PTPRN2: variants seen among roughly 807,000 people sequenced by gnomAD.
The protein encoded by PTPRN2 is protein tyrosine phosphatase receptor type N2, also known as receptor-type tyrosine-protein phosphatase N2.
Under a neutral mutation model 118.8 loss-of-function variants are expected in PTPRN2, and 74 were observed. The ratio of observed to expected loss-of-function variants is 0.62; its 90% CI spans 0.52 to 0.76. PTPRN2 has a LOEUF of 0.76. Ranked by LOEUF, PTPRN2 falls within the 30% of genes least tolerant of loss-of-function variation. The pLI is 0.00. For missense variants in PTPRN2, 1,481 were observed against 1,394.4 expected (o/e 1.06, Z -0.99); for synonymous variants, 641 against 608.0 (o/e 1.05, Z -0.80).
In PTPRN2 at chr7:158,454,735, G is replaced by A. The variant is rs181689693; in HGVS notation, c.163+35000C>T. ...TATAGACAAAGAAGAGATGAAGAGG[G>A]TGCAGGCTTGGGGGCAGGTTCAGTG... On this transcript the variant is annotated intron_variant, in intron 2 of 22. Coordinates refer to ENST00000389418, the MANE Select transcript of PTPRN2 (RefSeq NM_002847.5). 8.5e-4 allele frequency among the ~76,000 whole-genome samples: 129 copies of A among 152,314 alleles called. 1 individual carries two copies. The highest frequency in any genetic ancestry group is 2.8e-3 in the Admixed American group (43 of 15,302).
chr7:157,837,923 G>C lies in PTPRN2; in HGVS notation c.1788+60750C>G, dbSNP rs113070450. ...TGCTGAGTGGATGGCAAGGGAGAAA[G>C]CTCCTCTCCACCGTGGCTACTCCAG... is the stretch of plus-strand genomic sequence containing the variant. On this transcript the variant is annotated intron_variant, in intron 12 of 22. Transcript: ENST00000389418. Among the ~76,000 whole-genome samples the C allele has an allele frequency of 7.5e-3, 1,147 of 152,238 alleles. 15 individuals carry two copies. The highest frequency in any genetic ancestry group is 0.055 in the Middle Eastern group (16 of 290).
chr7:158,322,231 A>G (rs1219910881), intron 2 of PTPRN2, among the ~76,000 whole-genome samples: 1 of 152,138 alleles, frequency 6.6e-6, no homozygotes, highest in Non-Finnish European at 1.5e-5. Flanking sequence ...GACAGCCGGG[A>G]GACACGCACA....
At chr7:157,999,036 G>A (rs927601040) in intron 11 of PTPRN2, among the ~76,000 whole-genome samples, 3 of 151,804 alleles carry the variant, frequency 2.0e-5, no homozygotes, top group Admixed American at 1.3e-4. Context: ...TCCCGGGTCC[G>A]ATCCTGGCTG....
intron 11 of PTPRN2, among the ~76,000 whole-genome samples, chr7:158,037,625 C>T (rs1808177847): frequency 6.6e-6 from 1 of 152,232 alleles, no homozygotes; most frequent in South Asian, 2.1e-4. Context: ...AGACCACCCT[C>T]ATGTATGCAG....
intron 12 of PTPRN2, among the ~76,000 whole-genome samples, chr7:157,791,267 TTTG>T (rs1804472711): frequency 6.6e-6 from 1 of 152,248 alleles, no homozygotes; most frequent in African/African-American, 2.4e-5. Flanking sequence ...CAGTTTCGTA[TTTG>T]TTAAGTATTT....
At chr7:158,184,166 T>A (rs1341059862) in intron 5 of PTPRN2, among the ~76,000 whole-genome samples, 1 of 152,174 alleles carries the variant, frequency 6.6e-6, no homozygotes, top group African/African-American at 2.4e-5. Context: ...CAATTTTTTT[T>A]AAGGATTGTG....
intron 3 of PTPRN2, among the ~76,000 whole-genome samples, chr7:158,262,314 GCACACACATTCA>G (rs1190632049): frequency 6.8e-6 from 1 of 146,988 alleles, no homozygotes; most frequent in East Asian, 2.0e-4. Context: ...TTCACACACT[GCACACACATTCA>G]CACACACTGC....
At chr7:157,572,146 C>T (rs1442723357) in intron 19 of PTPRN2, among the ~76,000 whole-genome samples, 1 of 152,020 alleles carries the variant, frequency 6.6e-6, no homozygotes, top group Non-Finnish European at 1.5e-5. Flanking sequence ...TCATAACCAA[C>T]CCCTAAATCA....
In PTPRN2 at chr7:158,146,715, T is replaced by A. The variant is rs1281461857; in HGVS notation, c.911-8200A>T. On this transcript the variant is annotated intron_variant, in intron 6 of 22. Coordinates refer to ENST00000389418, the MANE Select transcript of PTPRN2 (RefSeq NM_002847.5). Reference sequence around the variant, plus strand: ...CAGCCTGGGCGACAGAGCGAGACTCTGCCTCAAAAAAAAAAAAAAAGAAAG... The same window carrying A: ...CAGCCTGGGCGACAGAGCGAGACTCAGCCTCAAAAAAAAAAAAAAAGAAAG... Among the ~76,000 whole-genome samples the A allele has an allele frequency of 2.1e-5, 3 of 139,716 alleles. No individual in the cohort carries two copies. In the Admixed American group the frequency reaches 2.2e-4, roughly 10 times the overall value. The allele number at this position is 139,716 out of a possible 152,430, so 91.7% of individuals were successfully genotyped here.
chr7:157,544,944 G>A (rs1203191807), intron 22 of PTPRN2, among the ~76,000 whole-genome samples: 1 of 129,660 alleles, frequency 7.7e-6, no homozygotes, highest in Non-Finnish European at 1.8e-5. Flanking sequence ...GTGTACAGGT[G>A]GGTGTGTGGA....
At chr7:158,507,197 C>T (rs1251843744) in intron 1 of PTPRN2, among the ~76,000 whole-genome samples, 1 of 152,234 alleles carries the variant, frequency 6.6e-6, no homozygotes, top group African/African-American at 2.4e-5. Context: ...TGAGGACCGT[C>T]CAGGGGACAG....
intron 12 of PTPRN2, among the ~76,000 whole-genome samples, chr7:157,716,123 G>A (rs926978545): frequency 1.3e-5 from 2 of 152,280 alleles, no homozygotes; most frequent in African/African-American, 4.8e-5. Context: ...GCCACAGGCT[G>A]GGGGTGGGAG....
At chr7:157,614,681 A>T (rs938744394) in intron 15 of PTPRN2, among the ~76,000 whole-genome samples, 1 of 152,104 alleles carries the variant, frequency 6.6e-6, no homozygotes, top group Non-Finnish European at 1.5e-5. Context: ...GAGTGTGGCC[A>T]TGTTTGGAGA....
Position 158,319,748 on chromosome 7 carries a change from C to CACACAGCCTCCCTTGT in PTPRN2, c.164-2817_164-2816insACAAGGGAGGCTGTGT, listed in dbSNP as rs1297520542. 4.9e-3 allele frequency among the ~76,000 whole-genome samples: 128 copies of CACACAGCCTCCCTTGT among 25,872 alleles called. 52 individuals are homozygous for CACACAGCCTCCCTTGT. The highest frequency in any genetic ancestry group is 0.011 in the South Asian group (6 of 554). 17.0% of individuals were successfully genotyped at this position (25,872 alleles called of 152,430 possible). The stretch of plus-strand genomic sequence containing the variant: ...ACACACACTCACAGTCTCCCTCACA[C>CACACAGCCTCCCTTGT]ACACAGCCTCCCTCACACACACAGC... On this transcript the variant is annotated intron_variant, in intron 2 of 22. Transcript: ENST00000389418.
chr7:158,129,027 C>T (rs1817931520), intron 9 of PTPRN2, among the ~76,000 whole-genome samples: 1 of 151,736 alleles, frequency 6.6e-6, no homozygotes, highest in East Asian at 1.9e-4. Flanking sequence ...GTGCCACACA[C>T]ACCACATATA....
At chr7:157,924,981 CATCAGGCAAATGCAGTTATTGAAATGTA>C (rs1798891617) in intron 11 of PTPRN2, among the ~76,000 whole-genome samples, 2 of 46,326 alleles carry the variant, frequency 4.3e-5, no homozygotes, top group Non-Finnish European at 4.0e-5. Context: ...GCATTTAGCA[CATCAGGCAAATGCAGTTATTGAAATGTA>C]GTCAGGATGC....
chr7:158,525,540 C>T lies in PTPRN2; in HGVS notation c.113-35755G>A, dbSNP rs1015125288. On this transcript the variant is annotated intron_variant, in intron 1 of 22. Transcript: ENST00000389418. The surrounding 1 kb of genome is among the most constrained non-coding windows in gnomAD (Gnocchi z 4.1). ...GCTGGGGCCACCCCAGCCTCCCTGG[C>T]CCAGAACAGGCGCTCACTGTATCTC... 7.2e-5 allele frequency among the ~76,000 whole-genome samples: 11 copies of T among 152,202 alleles called. No homozygotes were observed. Among genetic ancestry groups the T allele is most frequent in the Admixed American group, 2.6e-4 (4 of 15,290 alleles).
intron 12 of PTPRN2, among the ~76,000 whole-genome samples, chr7:157,771,772 GAC>G (rs1802827903): frequency 7.9e-6 from 1 of 127,272 alleles, no homozygotes; most frequent in Non-Finnish European, 1.5e-5. Flanking sequence ...CACACATGCA[GAC>G]ACAGACACAC....
intron 14 of PTPRN2, among the ~76,000 whole-genome samples, chr7:157,640,873 T>C (rs1384426833): frequency 6.6e-6 from 1 of 152,178 alleles, no homozygotes; most frequent in Non-Finnish European, 1.5e-5. Flanking sequence ...GAAGGAAACT[T>C]TCCCAATAAA....
Sources: gnomAD v4.1 joint callset for allele counts (sites outside exome capture counted in the v4.1 genomes callset) on GRCh38, gnomAD v4.1.1 for gene constraint, Gnocchi (gnomAD v3.1) non-coding constraint, MANE v1.5 for transcripts, NCBI Gene and HGNC (gene_info 2026-07-23, HGNC 2026-07-21) for gene names.